The following ANKFN1 variants were observed in gnomAD, a reference collection of about 807,000 sequenced individuals.
ANKFN1 encodes ankyrin repeat and fibronectin type III domain containing 1.
A neutral mutation model predicts 108.7 loss-of-function variants in ANKFN1; 74 were observed. The ratio of observed to expected loss-of-function variants is 0.68; its 90% CI spans 0.56 to 0.83. The LOEUF (loss-of-function observed/expected upper bound fraction) is 0.83. Ranked by LOEUF, ANKFN1 falls within the 40% of genes least tolerant of loss-of-function variation. ANKFN1 has a pLI of 0.00. For synonymous variants in ANKFN1, 547 were observed against 516.2 expected (o/e 1.06, Z -0.81); for missense variants, 1,505 against 1,382.3 (o/e 1.09, Z -1.41).
chr17:56,399,676 T>C (rs1378975023), intron 8 of ANKFN1, among the ~76,000 whole-genome samples: 2 of 151,900 alleles, frequency 1.3e-5, no homozygotes, highest in African/African-American at 2.4e-5. Flanking sequence ...ATTATTCTTA[T>C]GCCTTTGCGT....
At chr17:56,216,713 C>G (rs1265430030) in intron 2 of ANKFN1, among the ~76,000 whole-genome samples, 1 of 152,158 alleles carries the variant, frequency 6.6e-6, no homozygotes, top group Non-Finnish European at 1.5e-5. Flanking sequence ...AGGCACACTC[C>G]TCTGTGCCTC....
intron 4 of ANKFN1, among the ~76,000 whole-genome samples, chr17:56,141,850 A>T (rs1193742801): frequency 1.3e-5 from 2 of 152,020 alleles, no homozygotes; most frequent in East Asian, 3.8e-4. Flanking sequence ...AGACATCCTT[A>T]ATCAAAAAGC....
rs572470085 is a variant in ANKFN1 at position 56,247,215 on chromosome 17, A to G, written c.53+19258A>G. The stretch of plus-strand genomic sequence containing the variant: ...CCGTGAAATCTGATTGGCAAGCAGC[A>G]CCACATAAAGAAAACTTGAAATGGT... On this transcript the variant is annotated intron_variant, in intron 3 of 20. Transcript: ENST00000682825. Among the ~76,000 whole-genome samples the G allele has an allele frequency of 2.6e-3, 390 of 152,364 alleles. 2 individuals carry two copies. Among genetic ancestry groups the G allele is most frequent in the South Asian group, 8.7e-3 (42 of 4,832 alleles).
chr17:56,089,074 T>G (rs992023968), intron 4 of ANKFN1, among the ~76,000 whole-genome samples: 1 of 151,356 alleles, frequency 6.6e-6, no homozygotes, highest in Admixed American at 6.6e-5. Context: ...TTCAAAAGTT[T>G]GCATTTGTAT....
At chr17:56,468,499 A>G (rs1391193355) in intron 15 of ANKFN1, among the ~76,000 whole-genome samples, 1 of 151,906 alleles carries the variant, frequency 6.6e-6, no homozygotes, top group East Asian at 1.9e-4. Flanking sequence ...TGGCAGAAAC[A>G]TCTACACTGA....
At chr17:56,098,978 C>A (rs888418975) in intron 4 of ANKFN1, among the ~76,000 whole-genome samples, 1 of 152,116 alleles carries the variant, frequency 6.6e-6, no homozygotes, top group Non-Finnish European at 1.5e-5. Context: ...AAGTGAGCTG[C>A]ATCTTTCCAG....
intron 18 of ANKFN1, among the ~76,000 whole-genome samples, chr17:56,485,767 T>C (rs1321258768): frequency 6.6e-6 from 1 of 152,246 alleles, no homozygotes; most frequent in Non-Finnish European, 1.5e-5. Flanking sequence ...ACATATACTT[T>C]GGGATGTGAT....
At chr17:56,183,269 A>G (rs1911864526) in intron 1 of ANKFN1, among the ~76,000 whole-genome samples, 1 of 152,174 alleles carries the variant, frequency 6.6e-6, no homozygotes, top group Admixed American at 6.5e-5. Flanking sequence ...GGCAGAGTAC[A>G]TTGACAAAAT....
At chr17:56,198,616 C>T (rs1283214754) in intron 1 of ANKFN1, among the ~76,000 whole-genome samples, 1 of 152,180 alleles carries the variant, frequency 6.6e-6, no homozygotes, top group Non-Finnish European at 1.5e-5. Flanking sequence ...TTTATTTCCA[C>T]ATTTCACTCT....
chr17:56,425,138 A>G (rs1210279173), intron 8 of ANKFN1, among the ~76,000 whole-genome samples: 1 of 152,132 alleles, frequency 6.6e-6, no homozygotes, highest in Non-Finnish European at 1.5e-5. Flanking sequence ...AAAAAAAAAA[A>G]AAAAAGTAGC....
At chr17:56,366,080 A>G (rs1301457823) in intron 6 of ANKFN1, among the ~76,000 whole-genome samples, 2 of 152,180 alleles carry the variant, frequency 1.3e-5, no homozygotes, top group African/African-American at 2.4e-5. Flanking sequence ...GTGGAAGATG[A>G]TGATGTTGAT....
chr17:56,213,194 C>T lies in ANKFN1; in HGVS notation c.12+515C>T, dbSNP rs185968349. On this transcript the variant is annotated intron_variant, in intron 2 of 20. Coordinates refer to ENST00000682825, the MANE Select transcript of ANKFN1 (RefSeq NM_001370326.1). ...AGCCAGACCAGGGTTTCTAACTACCCTTCTCTGAATTGAAGAGGCTGGAGC... is the reference window on the plus strand; with the variant it reads ...AGCCAGACCAGGGTTTCTAACTACCTTTCTCTGAATTGAAGAGGCTGGAGC... Among the ~76,000 whole-genome samples the T allele has an allele frequency of 1.7e-3, 260 of 152,254 alleles. 3 individuals are homozygous for T. The highest frequency in any genetic ancestry group is 6.0e-3 in the African/African-American group (250 of 41,516).
intron 8 of ANKFN1, among the ~76,000 whole-genome samples, chr17:56,384,457 G>A (rs1255194988): frequency 6.6e-6 from 1 of 152,178 alleles, no homozygotes; most frequent in Non-Finnish European, 1.5e-5. Flanking sequence ...ATTCAACATA[G>A]TGTTGGAAGT....
chr17:56,448,989 T>C, intron 10 of ANKFN1, 90 bp from the exon 11 acceptor site: 2 of 1,051,912 alleles, frequency 1.9e-6, no homozygotes, highest in East Asian at 2.5e-5. Flanking sequence ...CTGTGGGTAG[T>C]ATGAGCAAAA....
chr17:56,141,923 C>CTTTTTTT (rs34394014), intron 4 of ANKFN1, among the ~76,000 whole-genome samples: 22 of 95,668 alleles, frequency 2.3e-4, no homozygotes, highest in East Asian at 2.9e-4. Context: ...CGATGGTGTA[C>CTTTTTTT]TTTTTTTTTT....
intron 1 of ANKFN1, among the ~76,000 whole-genome samples, chr17:56,173,677 G>A (rs762744058): frequency 1.4e-4 from 22 of 152,018 alleles, no homozygotes; most frequent in Non-Finnish European, 2.5e-4. Flanking sequence ...GCCCAGGCTG[G>A]TTGTGAACTT....
At chr17:56,214,218 C>A (rs1056561030) in intron 2 of ANKFN1, among the ~76,000 whole-genome samples, 1 of 152,176 alleles carries the variant, frequency 6.6e-6, no homozygotes, top group Admixed American at 6.5e-5. Context: ...GCCTTTAACT[C>A]ACCTCTGTTG....
rs1376787699 is a variant in ANKFN1 at position 56,510,513 on chromosome 17, C to T, written c.2685C>T (p.Val895=). The T allele has an allele frequency of 1.3e-6, 2 of 1,536,058 alleles. No homozygotes were observed. Among genetic ancestry groups the T allele is most frequent in the Non-Finnish European group, 1.7e-6 (2 of 1,146,928 alleles). The change falls in exon 21 of 21, where the codon GTC becomes GTT. Residue 895 remains valine (V), a synonymous_variant. Transcript: ENST00000682825. ...PCSDEEACSE[V]FLPTNSDYDS... The stretch of plus-strand genomic sequence containing the variant: ...CTGATGAAGAAGCCTGCTCAGAAGT[C>T]TTCCTCCCCACCAACAGTGACTACG...
At chr17:56,240,366 G>A (rs2143992883) in intron 3 of ANKFN1, among the ~76,000 whole-genome samples, 1 of 152,010 alleles carries the variant, frequency 6.6e-6, no homozygotes, top group East Asian at 1.9e-4. Context: ...TGAACATGTG[G>A]GTATGATTTG....
Sources: allele counts gnomAD v4.1 joint callset (sites outside exome capture counted in the v4.1 genomes callset), GRCh38; gene constraint gnomAD v4.1.1; transcripts MANE v1.5; gene names NCBI Gene and HGNC (gene_info 2026-07-23, HGNC 2026-07-21).